Variants in CSMD1 observed in about 807,000 individuals in gnomAD.
CSMD1 encodes CUB and sushi domain-containing protein 1.
CSMD1 carries 213 observed loss-of-function variants against 417.5 expected under a neutral mutation model. The ratio of observed to expected loss-of-function variants is 0.51; its 90% CI spans 0.46 to 0.57. The LOEUF is 0.57. CSMD1 is among the 20% of genes least tolerant of loss of function. CSMD1 has a pLI of 0.00. For synonymous variants in CSMD1, 2,862 were observed against 1,736.8 expected, an observed-to-expected ratio of 1.65 and a Z score of -16.11; for missense variants, 6,923 against 4,529.7, an observed-to-expected ratio of 1.53 and a Z score of -15.17.
chr8:3,177,711 T>C (rs770591561), intron 37 of CSMD1, among the ~76,000 whole-genome samples: 1 of 152,146 alleles, frequency 6.6e-6, no homozygotes, highest in Non-Finnish European at 1.5e-5. Flanking sequence ...GTGTTCAATC[T>C]TGTTGTTCCT....
intron 3 of CSMD1, among the ~76,000 whole-genome samples, chr8:4,271,708 T>G (rs1338772841): frequency 6.6e-6 from 1 of 152,172 alleles, no homozygotes; most frequent in East Asian, 1.9e-4. Flanking sequence ...TAATCCTAAC[T>G]CACTACTAAA....
chr8:3,552,596 T>G (rs1798965443), intron 10 of CSMD1, among the ~76,000 whole-genome samples: 1 of 152,164 alleles, frequency 6.6e-6, no homozygotes, highest in Non-Finnish European at 1.5e-5. Flanking sequence ...ATAAGGTATT[T>G]TAAGGAATTA....
At chr8:4,311,274 A>T (rs553245536) in intron 3 of CSMD1, among the ~76,000 whole-genome samples, 1 of 152,230 alleles carries the variant, frequency 6.6e-6, no homozygotes, top group Admixed American at 6.5e-5. Context: ...GACAGATTAG[A>T]TAAAGAAAAT....
At chr8:3,051,372 C>G (rs1011554514) in intron 50 of CSMD1, among the ~76,000 whole-genome samples, 10 of 152,168 alleles carry the variant, frequency 6.6e-5, no homozygotes, top group Non-Finnish European at 1.5e-4. Flanking sequence ...ATTTTCTCTC[C>G]TGTAAGTGGG....
intron 8 of CSMD1, among the ~76,000 whole-genome samples, chr8:3,586,530 T>A (rs1344855882): frequency 6.6e-6 from 1 of 151,930 alleles, no homozygotes; most frequent in South Asian, 2.1e-4. Flanking sequence ...TAAGACAGAA[T>A]AAAATAGCAA....
chr8:3,578,355 C>A (rs1164824598), intron 9 of CSMD1, among the ~76,000 whole-genome samples: 1 of 152,052 alleles, frequency 6.6e-6, no homozygotes, highest in Non-Finnish European at 1.5e-5. Context: ...GTTAGGGATG[C>A]CTGCTGTCCT....
At chr8:4,471,743 A>C (rs1040343266) in intron 2 of CSMD1, among the ~76,000 whole-genome samples, 2 of 113,488 alleles carry the variant, frequency 1.8e-5, no homozygotes, top group African/African-American at 2.6e-5. Flanking sequence ...GGAGAAAAGA[A>C]GTTAGACCCA....
At chr8:3,555,741 TCATTTCATTCTGTATCTCTAATTTTAG>T (rs1799115803) in intron 10 of CSMD1, among the ~76,000 whole-genome samples, 2 of 152,356 alleles carry the variant, frequency 1.3e-5, no homozygotes, top group Admixed American at 6.5e-5. Flanking sequence ...CATTTCCCAT[TCATTTCATTCTGTATCTCTAATTTTAG>T]ATAGTTAGAT....
At chr8:3,983,861 G>C (rs577720762) in intron 5 of CSMD1, among the ~76,000 whole-genome samples, 7 of 151,770 alleles carry the variant, frequency 4.6e-5, no homozygotes, top group Non-Finnish European at 8.8e-5. Flanking sequence ...TGCAACTCTA[G>C]AGCACACAGC....
At chr8:3,339,414 T>G (rs907324318) in intron 23 of CSMD1, among the ~76,000 whole-genome samples, 1 of 152,162 alleles carries the variant, frequency 6.6e-6, no homozygotes, top group Non-Finnish European at 1.5e-5. Flanking sequence ...TTAGGAAAGC[T>G]AGCCAGCTGT....
intron 25 of CSMD1, among the ~76,000 whole-genome samples, chr8:3,304,175 T>G (rs560500513): frequency 4.6e-5 from 7 of 152,292 alleles, no homozygotes; most frequent in Non-Finnish European, 7.4e-5. Context: ...AAATGCATAG[T>G]AATGATTACA....
At chr8:3,274,870 G>C (rs1585887925) in intron 26 of CSMD1, among the ~76,000 whole-genome samples, 2 of 152,172 alleles carry the variant, frequency 1.3e-5, no homozygotes, top group Admixed American at 1.3e-4. Flanking sequence ...GATGGGTCTT[G>C]ACTCTGTGTC....
intron 6 of CSMD1, among the ~76,000 whole-genome samples, chr8:3,753,138 T>C (rs1306857151): frequency 6.6e-6 from 1 of 152,192 alleles, no homozygotes; most frequent in Non-Finnish European, 1.5e-5. Flanking sequence ...CAGCGAATGC[T>C]ACCTTAATGG....
intron 2 of CSMD1, among the ~76,000 whole-genome samples, chr8:4,615,431 G>A (rs975764183): frequency 2.0e-5 from 3 of 152,076 alleles, no homozygotes; most frequent in Non-Finnish European, 4.4e-5. Context: ...AAGTACAACC[G>A]TTATTTAGAA....
intron 1 of CSMD1, among the ~76,000 whole-genome samples, chr8:4,984,561 A>G (rs1367567538): frequency 2.0e-5 from 3 of 152,198 alleles, no homozygotes; most frequent in Non-Finnish European, 4.4e-5. Context: ...CTTCTCCTCA[A>G]CATCCTCATC....
At chr8:3,880,429 T>G (rs1806130785) in intron 5 of CSMD1, among the ~76,000 whole-genome samples, 1 of 152,230 alleles carries the variant, frequency 6.6e-6, no homozygotes, top group Admixed American at 6.5e-5. Context: ...TTCCAGGATT[T>G]GAGTGATATT....
intron 1 of CSMD1, among the ~76,000 whole-genome samples, chr8:4,658,637 G>T (rs944355825): frequency 6.6e-6 from 1 of 152,008 alleles, no homozygotes; most frequent in African/African-American, 2.4e-5. Context: ...GAAATAAAAA[G>T]ACTTCGGAAA....
intron 25 of CSMD1, among the ~76,000 whole-genome samples, chr8:3,287,520 C>G (rs544729498): frequency 6.6e-6 from 1 of 152,104 alleles, no homozygotes; most frequent in Non-Finnish European, 1.5e-5. Context: ...TCCTTCACAT[C>G]CCTTGTAAGT....
At chr8:3,772,715 A>G (rs980521516) in intron 5 of CSMD1, among the ~76,000 whole-genome samples, 1 of 149,890 alleles carries the variant, frequency 6.7e-6, no homozygotes, top group Non-Finnish European at 1.5e-5. Context: ...ACACACATAT[A>G]TATATATACA....
Sources: allele counts gnomAD v4.1 joint callset (sites outside exome capture counted in the v4.1 genomes callset), GRCh38; gene constraint gnomAD v4.1.1; transcripts MANE v1.5; gene names NCBI Gene and HGNC (gene_info 2026-07-23, HGNC 2026-07-21).